EYS: variants seen among roughly 807,000 people sequenced by gnomAD.
The protein encoded by EYS is protein eyes shut homolog.
In EYS, 250 loss-of-function variants were observed where a neutral mutation model predicts 282.1. The ratio of observed to expected loss-of-function variants is 0.89; its 90% CI spans 0.80 to 0.98. The LOEUF is 0.98. EYS is among the 50% of genes least tolerant of loss of function. EYS has a pLI of 0.00. For synonymous variants in EYS, 1,355 were observed against 1,282.9 expected (o/e 1.06, Z -1.20); for missense variants, 4,016 against 3,709.0 (o/e 1.08, Z -2.15).
chr6:64,607,027 G>A lies in EYS; in HGVS notation c.3684+10391C>T, dbSNP rs9452145. Among the ~76,000 whole-genome samples, 1,033 of 151,866 alleles carry A rather than the reference G, an allele frequency of 6.8e-3. 16 individuals carry two copies. The highest frequency in any genetic ancestry group is 0.024 in the African/African-American group (991 of 41,458). On this transcript the variant is annotated intron_variant, in intron 24 of 42. Coordinates refer to ENST00000503581, the MANE Select transcript of EYS (RefSeq NM_001142800.2). ...TTAATTAAGGGGGGAAAAGCTTAAA[G>A]CAGGTGGTTTCTGTATGAATAAAAA...
intron 35 of EYS, among the ~76,000 whole-genome samples, chr6:63,936,535 G>A (rs1471112744): frequency 6.6e-6 from 1 of 152,136 alleles, no homozygotes; most frequent in African/African-American, 2.4e-5. Flanking sequence ...TCCTACACAT[G>A]ACTGCTGTTT....
intron 33 of EYS, among the ~76,000 whole-genome samples, chr6:64,032,412 A>T (rs1056165304): frequency 1.8e-4 from 27 of 152,230 alleles, no homozygotes; most frequent in Non-Finnish European, 1.8e-4. Flanking sequence ...TGGCCATTAA[A>T]GGGAAAAACT....
intron 5 of EYS, among the ~76,000 whole-genome samples, chr6:65,464,270 T>A (rs888209543): frequency 3.9e-5 from 6 of 152,144 alleles, no homozygotes; most frequent in Admixed American, 1.3e-4. Flanking sequence ...TGGATACAGT[T>A]TGTAAGATTA....
intron 12 of EYS, among the ~76,000 whole-genome samples, chr6:65,096,540 A>G (rs1774744890): frequency 6.6e-6 from 1 of 150,946 alleles, no homozygotes; most frequent in African/African-American, 2.4e-5. Context: ...TAGATGAAAC[A>G]ATGTTGAAAA....
At chr6:64,472,304 G>A (rs1214635437) in intron 26 of EYS, among the ~76,000 whole-genome samples, 1 of 152,154 alleles carries the variant, frequency 6.6e-6, no homozygotes, top group Non-Finnish European at 1.5e-5. Context: ...GCCTCTATGG[G>A]TCAGTTCTCC....
intron 12 of EYS, among the ~76,000 whole-genome samples, chr6:65,096,141 A>T (rs188222665): frequency 6.6e-6 from 1 of 151,068 alleles, no homozygotes; most frequent in Non-Finnish European, 1.5e-5. Flanking sequence ...GGCTTTTAAA[A>T]ATTTAGTTTT....
chr6:64,551,217 C>CAT (rs1182342356), intron 26 of EYS, among the ~76,000 whole-genome samples: 6 of 146,776 alleles, frequency 4.1e-5, no homozygotes, highest in South Asian at 2.1e-4. Context: ...TATATATATA[C>CAT]ATATATATAT....
chr6:64,733,502 C>A, intron 22 of EYS: 1 of 187,834 alleles, frequency 5.3e-6, no homozygotes, highest in South Asian at 1.2e-4. Flanking sequence ...CCTCTGAGCC[C>A]ATTGTCATGG....
chr6:64,597,915 A>G (rs954099097), intron 24 of EYS, among the ~76,000 whole-genome samples: 1 of 152,102 alleles, frequency 6.6e-6, no homozygotes, highest in Non-Finnish European at 1.5e-5. Context: ...CACAAAAAAG[A>G]TATCTTCAAT....
intron 12 of EYS, among the ~76,000 whole-genome samples, chr6:65,251,057 A>C (rs1767310324): frequency 7.0e-6 from 1 of 142,660 alleles, no homozygotes; most frequent in Non-Finnish European, 1.5e-5. Context: ...AAAAAAAAAC[A>C]GGAGAGCACT....
intron 31 of EYS, among the ~76,000 whole-genome samples, chr6:64,125,685 G>C (rs998639315): frequency 6.6e-6 from 1 of 150,978 alleles, no homozygotes; most frequent in African/African-American, 2.4e-5. Context: ...ACTCAGGAGA[G>C]TGAGGCAGGA....
intron 12 of EYS, among the ~76,000 whole-genome samples, chr6:65,077,934 A>G (rs1774104855): frequency 6.6e-6 from 1 of 152,142 alleles, no homozygotes; most frequent in African/African-American, 2.4e-5. Context: ...CAGTTGTTGT[A>G]TTCATAATTA....
At chr6:63,749,813 A>G (rs1008666727) in intron 41 of EYS, among the ~76,000 whole-genome samples, 2 of 151,990 alleles carry the variant, frequency 1.3e-5, no homozygotes, top group Non-Finnish European at 2.9e-5. Flanking sequence ...AGGGGTCCCA[A>G]CTTCCTCCCT....
At chr6:65,103,783 T>C (rs1328180719) in intron 12 of EYS, among the ~76,000 whole-genome samples, 3 of 151,420 alleles carry the variant, frequency 2.0e-5, no homozygotes, top group African/African-American at 4.8e-5. Context: ...CTTAATAACC[T>C]AGCTTGTTCC....
chr6:64,437,386 G>T (rs1774788480), intron 27 of EYS, among the ~76,000 whole-genome samples: 1 of 151,548 alleles, frequency 6.6e-6, no homozygotes, highest in Non-Finnish European at 1.5e-5. Context: ...TTGGTTTTAT[G>T]AAAAAGAAAG....
In EYS at chr6:64,886,757, C is replaced by T. The variant is rs907697038; in HGVS notation, c.2932G>A (p.Glu978Lys). Residue 978 changes from glutamate to lysine, a missense_variant, in exon 19 of 43, where the codon GAA becomes AAA. Coordinates refer to ENST00000503581, the MANE Select transcript of EYS (RefSeq NM_001142800.2). The part of the protein sequence containing the change: ...NKCKISPCLD[E>K]ENCVYRTDGY... Reference sequence around the variant, plus strand: ...TCAGTCCTGTAGACACAATTTTCTTCATCTAGACAAGGTGAGATTTTACAT... The same window carrying T: ...TCAGTCCTGTAGACACAATTTTCTTTATCTAGACAAGGTGAGATTTTACAT... 6.5e-7 allele frequency: 1 copy of T among 1,547,930 alleles called. No homozygotes were observed. Among genetic ancestry groups the T allele is most frequent in the Non-Finnish European group, 8.7e-7 (1 of 1,144,838 alleles).
At chr6:65,518,091 A>C (rs1767210471) in intron 2 of EYS, among the ~76,000 whole-genome samples, 1 of 152,114 alleles carries the variant, frequency 6.6e-6, no homozygotes, top group African/African-American at 2.4e-5. Context: ...TATTACCTCT[A>C]TTTGATAAAT....
chr6:65,044,355 C>CT (rs1253926032), intron 13 of EYS, among the ~76,000 whole-genome samples: 1 of 151,510 alleles, frequency 6.6e-6, no homozygotes, highest in East Asian at 2.0e-4. Context: ...ATTTTGTTTG[C>CT]TTTGCCATGC....
chr6:64,828,819 CT>C (rs1357348819), intron 19 of EYS, among the ~76,000 whole-genome samples: 1 of 151,934 alleles, frequency 6.6e-6, no homozygotes, highest in Admixed American at 6.6e-5. Context: ...TGTCTGGGCC[CT>C]CCCTGGTGGC....
Sources: gnomAD v4.1 joint callset for allele counts (sites outside exome capture counted in the v4.1 genomes callset) on GRCh38, gnomAD v4.1.1 for gene constraint, MANE v1.5 for transcripts, NCBI Gene and HGNC (gene_info 2026-07-23, HGNC 2026-07-21) for gene names.